The following CRACD variants were observed in gnomAD, a reference collection of about 807,000 sequenced individuals.
CRACD encodes capping protein-inhibiting regulator of actin dynamics.
Under a neutral mutation model 106.8 loss-of-function variants are expected in CRACD, and 56 were observed. The ratio of observed to expected loss-of-function variants is 0.52; its 90% confidence interval spans 0.42 to 0.66. The LOEUF (loss-of-function observed/expected upper bound fraction) is 0.66, where lower values mean the gene tolerates loss of function less well. Among genes scored for constraint, CRACD ranks in the 30% least tolerant of loss-of-function variants. CRACD has a pLI of 0.00. For missense variants in CRACD, 1,730 were observed against 1,623.2 expected (o/e 1.07, Z -1.13); for synonymous variants, 754 against 670.8 (o/e 1.12, Z -1.92).
At chr4:56,318,254 C>T (rs191406268) in intron 8 of CRACD, among the ~76,000 whole-genome samples, 115 of 152,290 alleles carry the variant, frequency 7.6e-4, no homozygotes, top group African/African-American at 2.7e-3. Context: ...GCCTAAGCCT[C>T]CTCGTAGGTG....
intron 1 of CRACD, among the ~76,000 whole-genome samples, chr4:56,132,202 AT>A (rs906725316): frequency 1.3e-5 from 2 of 151,752 alleles, no homozygotes; most frequent in African/African-American, 4.8e-5. Context: ...TGCCTGGCTA[AT>A]TTTTTTTGGT....
At chr4:56,084,376 T>C (rs1375116298) in intron 1 of CRACD, among the ~76,000 whole-genome samples, 1 of 152,182 alleles carries the variant, frequency 6.6e-6, no homozygotes, top group Non-Finnish European at 1.5e-5. Flanking sequence ...GAACACTCAA[T>C]AAAGACACTG....
At chr4:56,242,929 G>T (rs566268025) in intron 2 of CRACD, among the ~76,000 whole-genome samples, 1 of 152,180 alleles carries the variant, frequency 6.6e-6, no homozygotes, top group South Asian at 2.1e-4. Context: ...CCAGGTAAAG[G>T]TTAGAGGGAT....
chr4:56,197,283 G>A (rs918418815), intron 2 of CRACD, among the ~76,000 whole-genome samples: 2 of 151,672 alleles, frequency 1.3e-5, no homozygotes, highest in African/African-American at 4.8e-5. Flanking sequence ...AAAAAATGTA[G>A]CTAATTCATT....
intron 10 of CRACD, among the ~76,000 whole-genome samples, chr4:56,327,413 G>C (rs1746518656): frequency 6.6e-6 from 1 of 152,170 alleles, no homozygotes; most frequent in Admixed American, 6.5e-5. Context: ...AGAGACCTAA[G>C]AGAGTAGATT....
rs1731776736 is a variant in CRACD, at chr4:56,049,166, TG to T, written c.-468del. 1 of 149,566 alleles carries T rather than the reference TG, an allele frequency of 6.7e-6. No individual in the cohort carries two copies. Among genetic ancestry groups the T allele is most frequent in the African/African-American group, 2.4e-5 (1 of 41,146 alleles). The allele number at this position is 149,566 out of a possible 1,614,324, so 9.3% of individuals were successfully genotyped here. Reference sequence around the variant, plus strand: ...ACGGCCGACTGAGAGGCGGGTGCGCTGCTGGTGCTGCTGCCGCGGCGGCTGC... The same window carrying T: ...ACGGCCGACTGAGAGGCGGGTGCGCTCTGGTGCTGCTGCCGCGGCGGCTGC... On this transcript the variant is annotated 5_prime_UTR_variant, in exon 1 of 11. Coordinates refer to ENST00000682029, the MANE Select transcript of CRACD (RefSeq NM_001393381.1).
At chr4:56,280,271 T>G (rs1440586433) in intron 3 of CRACD, among the ~76,000 whole-genome samples, 1 of 151,696 alleles carries the variant, frequency 6.6e-6, no homozygotes, top group Non-Finnish European at 1.5e-5. Flanking sequence ...TGTGCACATG[T>G]ACCCTAAAAC....
rs191613088 is a variant in CRACD at position 56,135,089 on chromosome 4, C to G, written c.-335-44195C>G. Among the ~76,000 whole-genome samples the G allele has an allele frequency of 3.0e-3, 464 of 152,210 alleles. 4 individuals carry two copies. Among genetic ancestry groups the G allele is most frequent in the Non-Finnish European group, 4.9e-3 (336 of 68,008 alleles). ...ACAAGGTCAAGAGTTCAAGACCAGC[C>G]TGGCCAAGATGGTGAAACCCCATCT... On this transcript the variant is annotated intron_variant, in intron 1 of 10. Coordinates refer to ENST00000682029, the MANE Select transcript of CRACD (RefSeq NM_001393381.1).
At chr4:56,215,774 G>A (rs1004075515) in intron 2 of CRACD, among the ~76,000 whole-genome samples, 1 of 152,210 alleles carries the variant, frequency 6.6e-6, no homozygotes, top group Non-Finnish European at 1.5e-5. Context: ...TCTTCCGGTG[G>A]TTCTAAATGC....
intron 1 of CRACD, among the ~76,000 whole-genome samples, chr4:56,104,944 G>T (rs190607010): frequency 0.027 from 4,036 of 147,200 alleles, 66 homozygotes; most frequent in Admixed American, 0.057. Context: ...TCCAGCCTGG[G>T]CGACAGAGCA....
At chr4:56,117,840 C>G (rs1194957826) in intron 1 of CRACD, among the ~76,000 whole-genome samples, 1 of 151,142 alleles carries the variant, frequency 6.6e-6, no homozygotes, top group Non-Finnish European at 1.5e-5. Context: ...TCACTGCAAC[C>G]TCCACCTCCC....
At chr4:56,057,082 T>C (rs897013343) in intron 1 of CRACD, among the ~76,000 whole-genome samples, 29 of 152,254 alleles carry the variant, frequency 1.9e-4, no homozygotes, top group African/African-American at 6.5e-4. Flanking sequence ...TTTTTTACTT[T>C]TAAAATGTAT....
At chr4:56,076,524 A>G (rs934601497) in intron 1 of CRACD, among the ~76,000 whole-genome samples, 4 of 152,180 alleles carry the variant, frequency 2.6e-5, no homozygotes, top group African/African-American at 7.2e-5. Context: ...ACCCTTCCAC[A>G]TCAACATCCA....
At chr4:56,135,010 G>A (rs1193630361) in intron 1 of CRACD, among the ~76,000 whole-genome samples, 2 of 151,938 alleles carry the variant, frequency 1.3e-5, no homozygotes, top group Admixed American at 6.6e-5. Context: ...TGGGCCGGGC[G>A]CGGTGACTCA....
rs1399765199 is a variant in CRACD at position 56,314,874 on chromosome 4, G to A, written c.1372G>A (p.Ala458Thr). The A allele has an allele frequency of 2.5e-6, 4 of 1,611,768 alleles. No homozygotes were observed. In the South Asian group the frequency reaches 4.4e-5, roughly 18 times the overall value. Residue 458 changes from alanine (A) to threonine (T), a missense_variant, in exon 8 of 11, where the codon GCC (alanine) becomes ACC (threonine). Ala to Thr is a moderately conservative substitution (Grantham distance 58). Transcript: ENST00000682029. The surrounding 1 kb of genome is among the most constrained non-coding windows in gnomAD (Gnocchi z 4.4). Reference sequence around the variant, plus strand: ...TATTTGCGAGGAGCAGAACCCAGAGGCCGAGCGGCGAAGAGAGCAGCAGGG... The same window carrying A: ...TATTTGCGAGGAGCAGAACCCAGAGACCGAGCGGCGAAGAGAGCAGCAGGG... ...PGICEEQNPEAERRREQQGRS... is the reference protein window; with the variant it reads ...PGICEEQNPETERRREQQGRS...
intron 3 of CRACD, among the ~76,000 whole-genome samples, chr4:56,290,940 T>A (rs186833467): frequency 3.9e-4 from 60 of 152,346 alleles, no homozygotes; most frequent in African/African-American, 1.3e-3. Flanking sequence ...TTTCTTCCTG[T>A]CTTTGTAGAG....
intron 1 of CRACD, among the ~76,000 whole-genome samples, chr4:56,107,761 A>G (rs1733996355): frequency 1.3e-5 from 2 of 152,186 alleles, no homozygotes; most frequent in African/African-American, 4.8e-5. Flanking sequence ...GGGTACAAGG[A>G]TGGAATGTGC....
chr4:56,117,310 C>T lies in CRACD; in HGVS notation c.-335-61974C>T, dbSNP rs145308637. Among the ~76,000 whole-genome samples the T allele has an allele frequency of 5.2e-3, 787 of 152,214 alleles. 5 individuals are homozygous for T. The highest frequency in any genetic ancestry group is 9.0e-3 in the Non-Finnish European group (614 of 68,026). On this transcript the variant is annotated intron_variant, in intron 1 of 10. Coordinates refer to ENST00000682029, the MANE Select transcript of CRACD (RefSeq NM_001393381.1). ...TGCTGGGATTACAGGCTTGAGCCTCCGTGCCCGGCCCGAATTTTTTATTTT... is the reference window on the plus strand; with the variant it reads ...TGCTGGGATTACAGGCTTGAGCCTCTGTGCCCGGCCCGAATTTTTTATTTT...
chr4:56,212,820 G>A (rs1386448377), intron 2 of CRACD, among the ~76,000 whole-genome samples: 1 of 152,182 alleles, frequency 6.6e-6, no homozygotes, highest in East Asian at 1.9e-4. Flanking sequence ...GACCCAGTTA[G>A]ATATCTAAGG....
Sources: gnomAD v4.1 joint callset for allele counts (sites outside exome capture counted in the v4.1 genomes callset) on GRCh38, gnomAD v4.1.1 for gene constraint, Gnocchi (gnomAD v3.1) non-coding constraint, MANE v1.5 for transcripts, NCBI Gene and HGNC (gene_info 2026-07-23, HGNC 2026-07-21) for gene names.